ERI3: variants seen among roughly 807,000 people sequenced by gnomAD.
The protein encoded by ERI3 is ERI1 exoribonuclease family member 3, also known as ERI1 exoribonuclease 3.
A neutral mutation model predicts 44.4 loss-of-function variants in ERI3; 18 were observed. That is an observed-to-expected ratio of 0.41 (90% CI 0.28 to 0.60). The LOEUF (loss-of-function observed/expected upper bound fraction) is 0.60. ERI3 is among the 20% of genes least tolerant of loss of function. The pLI is 0.36. For synonymous variants in ERI3, 183 were observed against 164.8 expected (o/e 1.11, Z -0.84); for missense variants, 294 against 435.5 (o/e 0.68, Z 2.89).
intron 3 of ERI3, among the ~76,000 whole-genome samples, chr1:44,326,742 G>A (rs1646323693): frequency 6.6e-6 from 1 of 152,144 alleles, no homozygotes; most frequent in South Asian, 2.1e-4. Flanking sequence ...TAAAAAATCG[G>A]AGCTTTAAAA....
chr1:44,272,130 G>A (rs138223576), intron 7 of ERI3, among the ~76,000 whole-genome samples: 2 of 152,266 alleles, frequency 1.3e-5, no homozygotes, highest in East Asian at 3.9e-4. Flanking sequence ...TTATCCTCAG[G>A]TCAACTCTAG....
chr1:44,337,020 T>G (rs1646548722), intron 3 of ERI3, among the ~76,000 whole-genome samples: 1 of 152,068 alleles, frequency 6.6e-6, no homozygotes, highest in Non-Finnish European at 1.5e-5. Context: ...TTGTGATAAA[T>G]AAATAAGTAA....
At chr1:44,308,205 G>A (rs1645880453) in intron 6 of ERI3, 105 bp downstream of exon 6, 2 of 818,234 alleles carry the variant, frequency 2.4e-6, no homozygotes, top group East Asian at 4.9e-5. Flanking sequence ...AAGACCTGAA[G>A]AATCCCTGAT....
chr1:44,266,090 C>T (rs1362765378), intron 7 of ERI3, among the ~76,000 whole-genome samples: 1 of 152,212 alleles, frequency 6.6e-6, no homozygotes, highest in Non-Finnish European at 1.5e-5. Context: ...AAGAAACCCA[C>T]AGCAGGCTCA....
chr1:44,247,957 G>A lies in ERI3; in HGVS notation c.913C>T (p.Arg305Trp), dbSNP rs750266605. The change falls in exon 8 of 9, where the codon CGG becomes TGG. Residue 305 changes from arginine (R) to tryptophan (W), a missense_variant. Physicochemically the swap from Arg to Trp is moderately radical, Grantham distance 101. Around this residue, in one of 2 missense-constraint regions of ERI3, gnomAD observed 187 missense variants for 338.6 expected, o/e 0.55. Coordinates refer to ENST00000372257, the MANE Select transcript of ERI3 (RefSeq NM_024066.3). ...NKGLSLQHIG[R>W]PHSGIDDCKN... Reference sequence around the variant, plus strand: ...GACTGACCAATGCCGCTGTGGGGCCGGCCTATGTGTTGCAGGCTGAGGCCC... The same window carrying A: ...GACTGACCAATGCCGCTGTGGGGCCAGCCTATGTGTTGCAGGCTGAGGCCC... 4 of 1,612,496 alleles carry A rather than the reference G, an allele frequency of 2.5e-6. No individual in the cohort carries two copies. Among genetic ancestry groups the A allele is most frequent in the South Asian group, 1.1e-5 (1 of 90,646 alleles).
chr1:44,265,361 A>G (rs1401637959), intron 7 of ERI3, among the ~76,000 whole-genome samples: 1 of 152,208 alleles, frequency 6.6e-6, no homozygotes, highest in Non-Finnish European at 1.5e-5. Context: ...GCTGGGGCTA[A>G]AACAGGTCCC....
At chr1:44,240,440 G>A (rs368260070) in intron 8 of ERI3, among the ~76,000 whole-genome samples, 4 of 152,136 alleles carry the variant, frequency 2.6e-5, no homozygotes, top group East Asian at 3.8e-4. Context: ...GTGACATGTC[G>A]CGTGTCTGCA....
At chr1:44,243,379 C>T (rs182287534) in intron 8 of ERI3, 2 of 152,378 alleles carry the variant, frequency 1.3e-5, no homozygotes, top group Non-Finnish European at 2.9e-5. Context: ...CTCCAAGTTA[C>T]AATAGCAGGT....
rs543024353 is a variant in ERI3 at position 44,308,210 on chromosome 1, C to G, written c.758+100G>C. 1.2e-4 allele frequency: 99 copies of G among 844,964 alleles called. No homozygotes were observed. In the South Asian group the frequency reaches 1.3e-3, roughly 11 times the overall value. The allele number at this position is 844,964 out of a possible 1,614,324, so 52.3% of individuals were successfully genotyped here. The stretch of plus-strand genomic sequence containing the variant: ...GATAGCCTCAAAGACCTGAAGAATC[C>G]CTGATCCAGCTGCCTTGTAGACATT... On this transcript the variant is annotated intron_variant, in intron 6 of 8. Transcript: ENST00000372257.
Position 44,354,987 on chromosome 1 carries a change from G to A in ERI3, c.40C>T (p.Arg14Trp). The change falls in exon 1 of 9, where the codon CGG (arginine) becomes TGG (tryptophan). Residue 14 changes from arginine to tryptophan, a missense_variant. Around this residue, in one of 2 missense-constraint regions of ERI3, gnomAD observed 107 missense variants for 96.9 expected, o/e 1.10. Coordinates refer to ENST00000372257, the MANE Select transcript of ERI3 (RefSeq NM_024066.3). The part of the protein sequence containing the change: ...ASPAADGGRG[R>W]PWEGGLVSWP... ...GAGACCAGCCCTCCTTCCCAGGGCC[G>A]CCCCCGCCCCCCGTCAGCAGCGGGA... 8 of 1,370,048 alleles carry A rather than the reference G, an allele frequency of 5.8e-6. No individual in the cohort carries two copies. The South Asian group carries it at 6.3e-5, about 11-fold the overall frequency. 84.9% of individuals were successfully genotyped at this position (1,370,048 alleles called of 1,614,324 possible). A position where few individuals can be genotyped will look rare whatever the true frequency, so the allele number is the denominator to read the frequency against.
At chr1:44,234,958 A>G (rs1644271096) in intron 8 of ERI3, among the ~76,000 whole-genome samples, 1 of 152,134 alleles carries the variant, frequency 6.6e-6, no homozygotes, top group African/African-American at 2.4e-5. Context: ...TCTGGTACTG[A>G]TAACTGTATT....
intron 7 of ERI3, among the ~76,000 whole-genome samples, chr1:44,275,606 A>G (rs890835251): frequency 2.0e-5 from 3 of 152,198 alleles, no homozygotes; most frequent in Admixed American, 1.3e-4. Flanking sequence ...GAGGGACCCA[A>G]GATTTTCTTT....
chr1:44,348,441 C>T (rs1646827643), intron 2 of ERI3, among the ~76,000 whole-genome samples: 1 of 152,198 alleles, frequency 6.6e-6, no homozygotes, highest in South Asian at 2.1e-4. Context: ...CTAATGGCCT[C>T]CTGAGGTGCC....
intron 8 of ERI3, among the ~76,000 whole-genome samples, chr1:44,237,889 C>T (rs182697655): frequency 6.6e-6 from 1 of 152,132 alleles, no homozygotes; most frequent in Non-Finnish European, 1.5e-5. Context: ...ACGTGCCTGG[C>T]CTTGGCTCCC....
intron 8 of ERI3, among the ~76,000 whole-genome samples, chr1:44,226,394 C>A (rs937147263): frequency 6.6e-6 from 1 of 152,022 alleles, no homozygotes; most frequent in Non-Finnish European, 1.5e-5. Flanking sequence ...AATTATGATC[C>A]TAGATGTGAG....
intron 8 of ERI3, among the ~76,000 whole-genome samples, chr1:44,222,034 C>T (rs937687994): frequency 7.2e-5 from 11 of 152,250 alleles, no homozygotes; most frequent in Non-Finnish European, 1.2e-4. Flanking sequence ...CGCCACACTC[C>T]GTCTTCCCGC....
intron 7 of ERI3, among the ~76,000 whole-genome samples, chr1:44,266,130 T>A (rs1284092338): frequency 2.0e-5 from 3 of 152,232 alleles, no homozygotes; most frequent in African/African-American, 7.2e-5. Flanking sequence ...GAGGAGGCTC[T>A]AGCACCATGC....
intron 6 of ERI3, among the ~76,000 whole-genome samples, chr1:44,295,198 G>A (rs1466390512): frequency 6.6e-6 from 1 of 152,154 alleles, no homozygotes; most frequent in African/African-American, 2.4e-5. Flanking sequence ...GGAAAAGGAG[G>A]AAGAATGGGA....
chr1:44,302,063 T>C (rs1240394350), intron 6 of ERI3, among the ~76,000 whole-genome samples: 2 of 152,212 alleles, frequency 1.3e-5, no homozygotes, highest in African/African-American at 4.8e-5. Flanking sequence ...GGCTTTCACC[T>C]GTCCCTGTCG....
Sources: allele counts gnomAD v4.1 joint callset (sites outside exome capture counted in the v4.1 genomes callset), GRCh38; gene constraint gnomAD v4.1.1; regional missense constraint gnomAD v4.1.1; transcripts MANE v1.5; gene names NCBI Gene and HGNC (gene_info 2026-07-23, HGNC 2026-07-21).